The following ZHX2 variants were observed in gnomAD, a reference collection of about 807,000 sequenced individuals.
The protein encoded by ZHX2 is zinc fingers and homeoboxes 2, also known as zinc fingers and homeoboxes protein 2.
In ZHX2, 6 loss-of-function variants were observed where a neutral mutation model predicts 21.9. The ratio of observed to expected loss-of-function variants is 0.27; its 90% CI spans 0.15 to 0.54. The LOEUF (loss-of-function observed/expected upper bound fraction) is 0.54. Ranked by LOEUF, ZHX2 falls within the 20% of genes least tolerant of loss-of-function variation. The probability of loss-of-function intolerance (pLI) is 0.95; values close to 1 mark genes in which losing one functional copy is unlikely to be tolerated. For synonymous variants in ZHX2, 434 were observed against 437.1 expected, an observed-to-expected ratio of 0.99 and a Z score of 0.09; for missense variants, 908 against 1,090.7, an observed-to-expected ratio of 0.83 and a Z score of 2.36.
chr8:122,878,063 G>A (rs1819612214), intron 2 of ZHX2, among the ~76,000 whole-genome samples: 1 of 139,872 alleles, frequency 7.1e-6, no homozygotes, highest in African/African-American at 2.7e-5. Context: ...GAGAATGTCG[G>A]TAAAAGTTCT....
intron 1 of ZHX2, among the ~76,000 whole-genome samples, chr8:122,821,533 A>G (rs1235221850): frequency 7.3e-6 from 1 of 137,004 alleles, no homozygotes; most frequent in African/African-American, 2.7e-5. Flanking sequence ...TCAAACACTT[A>G]AAAAAAAAAA....
chr8:122,891,155 C>T (rs1173430042), intron 2 of ZHX2, among the ~76,000 whole-genome samples: 1 of 152,038 alleles, frequency 6.6e-6, no homozygotes, highest in African/African-American at 2.4e-5. Context: ...TAGAATTCAG[C>T]AATGAAACCA....
intron 1 of ZHX2, among the ~76,000 whole-genome samples, chr8:122,806,595 G>A (rs1242815131): frequency 7.2e-5 from 11 of 152,178 alleles, no homozygotes; most frequent in Admixed American, 2.0e-4. Context: ...GTTAAGCAAA[G>A]CCAACAACGG....
intron 2 of ZHX2, among the ~76,000 whole-genome samples, chr8:122,932,923 G>A (rs1821029671): frequency 6.6e-6 from 1 of 152,056 alleles, no homozygotes; most frequent in South Asian, 2.1e-4. Flanking sequence ...TTTTTGTCTG[G>A]GATTTAACTG....
intron 1 of ZHX2, among the ~76,000 whole-genome samples, chr8:122,861,151 C>T (rs1819158197): frequency 6.6e-6 from 1 of 151,686 alleles, no homozygotes; most frequent in African/African-American, 2.4e-5. Flanking sequence ...CATGGCCACA[C>T]TGAGCCAAGA....
chr8:122,963,199 G>A (rs900461708), intron 3 of ZHX2, among the ~76,000 whole-genome samples: 2 of 151,942 alleles, frequency 1.3e-5, no homozygotes, highest in African/African-American at 2.4e-5. Context: ...CTTTGCCTAG[G>A]CCAATGTCTA....
intron 1 of ZHX2, among the ~76,000 whole-genome samples, chr8:122,785,439 AC>A (rs775891911): frequency 3.3e-4 from 50 of 152,350 alleles, no homozygotes; most frequent in Non-Finnish European, 6.2e-4. Flanking sequence ...AGTGGCTGCT[AC>A]GTCTCTAGGC....
intron 2 of ZHX2, among the ~76,000 whole-genome samples, chr8:122,910,617 G>A (rs528061532): frequency 3.3e-5 from 5 of 152,232 alleles, no homozygotes; most frequent in African/African-American, 7.2e-5. Flanking sequence ...TTTTTTATGC[G>A]TACTTTAATG....
Position 122,953,672 on chromosome 8 carries a change from A to C in ZHX2, c.2162A>C (p.Lys721Thr). ...ACAAAACCCATGGCCGAGAGCCCAA[A>C]GAACGGGGGTGATGTGGTTCCACAA... ...KATKPMAESP[K>T]NGGDVVPQYY... Residue 721 changes from lysine (K) to threonine (T), a missense_variant, in exon 3 of 4, where the codon AAG becomes ACG. Around this residue, in one of 4 missense-constraint regions of ZHX2, gnomAD observed 431 missense variants for 428.6 expected, o/e 1.01. Transcript: ENST00000314393. The surrounding 1 kb of genome is among the most constrained non-coding windows in gnomAD (Gnocchi z 4.6). 1 of 1,614,246 alleles carries C rather than the reference A, an allele frequency of 6.2e-7. No homozygotes were observed. Among genetic ancestry groups the C allele is most frequent in the Non-Finnish European group, 8.5e-7 (1 of 1,180,042 alleles).
chr8:122,835,289 G>A (rs1050572032), intron 1 of ZHX2, among the ~76,000 whole-genome samples: 2 of 152,248 alleles, frequency 1.3e-5, no homozygotes, highest in African/African-American at 4.8e-5. Context: ...GGCGGGGCAT[G>A]GGCCAAAGAT....
At chr8:122,794,150 A>G (rs1392720506) in intron 1 of ZHX2, among the ~76,000 whole-genome samples, 1 of 152,286 alleles carries the variant, frequency 6.6e-6, no homozygotes, top group South Asian at 2.1e-4. Flanking sequence ...AATAGTTGTT[A>G]TATTGATACA....
intron 1 of ZHX2, among the ~76,000 whole-genome samples, chr8:122,819,970 C>T (rs1818107300): frequency 6.6e-6 from 1 of 152,208 alleles, no homozygotes; most frequent in East Asian, 1.9e-4. Flanking sequence ...TCCCATCTGC[C>T]TAGCTAAAGG....
rs752458345 is a variant in ZHX2 at position 122,953,981 on chromosome 8, A to G, written c.2471A>G (p.Glu824Gly). 3.1e-6 allele frequency: 5 copies of G among 1,612,682 alleles called. No homozygotes were observed. The Admixed American group carries it at 8.3e-5, about 27-fold the overall frequency. The change falls in exon 3 of 4, where the codon GAA becomes GGA. Residue 824 changes from glutamate (E) to glycine (G), a missense_variant. Glu to Gly is a moderately conservative substitution (Grantham distance 98). This residue lies in a region of ZHX2 where 431 missense variants were observed against 428.6 expected (regional missense o/e 1.01). Coordinates refer to ENST00000314393, the MANE Select transcript of ZHX2 (RefSeq NM_014943.5). This position sits in a 1 kb window ranked among gnomAD's most constrained non-coding sequence, Gnocchi z 4.6. ...AAAEGVSELAESDSDCVPAEA... is the reference protein window; with the variant it reads ...AAAEGVSELAGSDSDCVPAEA... ...GCAGAAGGTGTGTCGGAACTGGCTG[A>G]ATCAGACTCCGACTGCGTCCCTGCA...
rs888041966 is a variant in ZHX2, at chr8:122,943,176, C to T, written c.-219-8116C>T. Among the ~76,000 whole-genome samples the T allele has an allele frequency of 5.9e-5, 9 of 152,188 alleles. No homozygotes were observed. The South Asian group carries it at 1.0e-3, about 18-fold the overall frequency. ...ACTCAGGAGGCTGAGGCAGGAGAAT[C>T]GTTTGAGCCCGGAGTGTGGAGGTTG... On this transcript the variant is annotated intron_variant, in intron 2 of 3. Coordinates refer to ENST00000314393, the MANE Select transcript of ZHX2 (RefSeq NM_014943.5).
chr8:122,952,314 C>T lies in ZHX2; in HGVS notation c.804C>T (p.Asn268=), dbSNP rs955236541. ...VPVPLNTTKY[N]SALDTNATMI... ...TCCCACTAAATACTACCAAATACAA[C>T]TCTGCCCTGGATACAAATGCCACGA... The change falls in exon 3 of 4, where the codon AAC becomes AAT. Residue 268 remains asparagine, a synonymous_variant. Transcript: ENST00000314393. The surrounding 1 kb of genome is among the most constrained non-coding windows in gnomAD (Gnocchi z 6.9). 8 of 1,614,028 alleles carry T rather than the reference C, an allele frequency of 5.0e-6. No individual in the cohort carries two copies. The African/African-American group carries it at 9.3e-5, about 19-fold the overall frequency.
upstream of ZHX2, chr8:122,781,325 C>T (rs970245763): frequency 6.6e-6 from 1 of 152,266 alleles, no homozygotes; most frequent in African/African-American, 2.4e-5. This position sits in a 1 kb window ranked among gnomAD's most constrained non-coding sequence, Gnocchi z 4.6. Context: ...ATGGGTATTG[C>T]ACGGAGACGG....
chr8:122,882,314 C>CAGAGAG (rs140529887), intron 2 of ZHX2, among the ~76,000 whole-genome samples: 5 of 148,176 alleles, frequency 3.4e-5, no homozygotes, highest in Admixed American at 1.3e-4. Flanking sequence ...CACACACACA[C>CAGAGAG]AGAGAGAGAG....
chr8:122,963,069 G>T (rs1398683479), intron 3 of ZHX2, among the ~76,000 whole-genome samples: 1 of 152,160 alleles, frequency 6.6e-6, no homozygotes, highest in African/African-American at 2.4e-5. Flanking sequence ...CACTCTGTGG[G>T]TTGTCTGTTT....
chr8:122,857,754 T>G (rs1563756408), intron 1 of ZHX2, among the ~76,000 whole-genome samples: 1 of 152,234 alleles, frequency 6.6e-6, no homozygotes, highest in Admixed American at 6.5e-5. Flanking sequence ...CTTATGACTC[T>G]GGGCAACTTT....
Sources: allele counts gnomAD v4.1 joint callset (sites outside exome capture counted in the v4.1 genomes callset), GRCh38; gene constraint gnomAD v4.1.1; regional missense constraint gnomAD v4.1.1; non-coding constraint Gnocchi (gnomAD v3.1); transcripts MANE v1.5; gene names NCBI Gene and HGNC (gene_info 2026-07-23, HGNC 2026-07-21).